The following MTUS2 variants were observed in gnomAD, a reference collection of about 807,000 sequenced individuals.
MTUS2 encodes microtubule associated scaffold protein 2.
MTUS2 carries 40 observed loss-of-function variants against 114.1 expected under a neutral mutation model. The observed-to-expected ratio is 0.35, with a 90% CI of 0.27 to 0.46. MTUS2 has a LOEUF of 0.46. Ranked by LOEUF, MTUS2 falls within the 20% of genes least tolerant of loss-of-function variation. The probability of loss-of-function intolerance (pLI) is 1.00; values close to 1 mark genes in which losing one functional copy is unlikely to be tolerated. For missense variants in MTUS2, 1,679 were observed against 1,705.4 expected (o/e 0.98, Z 0.27); for synonymous variants, 688 against 672.0 (o/e 1.02, Z -0.37).
Position 29,496,316 on chromosome 13 carries a change from C to A in MTUS2, c.3580-922C>A, listed in dbSNP as rs1882548664. On this transcript the variant is annotated intron_variant, in intron 12 of 15. Coordinates refer to ENST00000612955, the MANE Select transcript of MTUS2 (RefSeq NM_001033602.4). This position sits in a 1 kb window ranked among gnomAD's most constrained non-coding sequence, Gnocchi z 4.3. ...GCGCCAGTCTGGCCACGGGGCAGGT[C>A]TGAGCAGGGAGGAGGAGACTGTGTG... The A allele has an allele frequency of 6.5e-6, 1 of 152,794 alleles. No individual in the cohort carries two copies. The highest frequency in any genetic ancestry group is 6.5e-5 in the Admixed American group (1 of 15,280). 9.5% of individuals were successfully genotyped at this position (152,794 alleles called of 1,614,324 possible). A position where few individuals can be genotyped will look rare whatever the true frequency, so the allele number is the denominator to read the frequency against.
intron 7 of MTUS2, among the ~76,000 whole-genome samples, chr13:29,339,383 A>T (rs9508375): frequency 6.6e-6 from 1 of 152,006 alleles, no homozygotes; most frequent in South Asian, 2.1e-4. Flanking sequence ...GGGTGATGGG[A>T]TCTGCTTGCT....
chr13:29,419,965 G>A (rs1179127764), intron 8 of MTUS2, among the ~76,000 whole-genome samples: 1 of 152,160 alleles, frequency 6.6e-6, no homozygotes, highest in Non-Finnish European at 1.5e-5. Context: ...CTGATATTTT[G>A]CATCTTCCCA....
At chr13:29,262,926 A>T (rs745879446) in intron 5 of MTUS2, among the ~76,000 whole-genome samples, 1 of 152,184 alleles carries the variant, frequency 6.6e-6, no homozygotes, top group African/African-American at 2.4e-5. Flanking sequence ...GCTGGTACTG[A>T]TGGTGTCAGC....
intron 4 of MTUS2, among the ~76,000 whole-genome samples, chr13:29,096,019 A>G (rs1282925704): frequency 6.6e-6 from 1 of 150,850 alleles, no homozygotes; most frequent in Admixed American, 6.6e-5. Flanking sequence ...CCTTTTCTGT[A>G]TTTTTTTCTT....
intron 4 of MTUS2, among the ~76,000 whole-genome samples, chr13:29,049,856 C>G (rs1887809033): frequency 6.6e-6 from 1 of 152,200 alleles, no homozygotes; most frequent in South Asian, 2.1e-4. Context: ...TGTCAAGAGA[C>G]TCTAAAATAC....
chr13:28,832,703 AAAT>A (rs1236213384), intron 1 of MTUS2, among the ~76,000 whole-genome samples: 3 of 148,260 alleles, frequency 2.0e-5, no homozygotes, highest in South Asian at 2.1e-4. Flanking sequence ...ATATAAATAA[AAAT>A]AAGTACACAA....
At chr13:29,175,704 T>G (rs549521793) in intron 5 of MTUS2, among the ~76,000 whole-genome samples, 57 of 152,314 alleles carry the variant, frequency 3.7e-4, no homozygotes, top group African/African-American at 1.3e-3. Flanking sequence ...TTTGGCCTTA[T>G]GTGGATGTGG....
chr13:29,158,032 T>G (rs776598399), intron 5 of MTUS2, among the ~76,000 whole-genome samples: 27 of 152,224 alleles, frequency 1.8e-4, no homozygotes, highest in Non-Finnish European at 3.2e-4. Flanking sequence ...CATCGACTTC[T>G]GGCATGAGTG....
chr13:29,036,562 CTTGTTAATT>C (rs933514443), intron 4 of MTUS2, among the ~76,000 whole-genome samples: 1 of 152,134 alleles, frequency 6.6e-6, no homozygotes, highest in African/African-American at 2.4e-5. Context: ...CCTGAATATC[CTTGTTAATT>C]TTGTCTCGTT....
rs963069089 is a variant in MTUS2 at position 29,504,502 on chromosome 13, G to A, written c.*1296G>A. On this transcript the variant is annotated 3_prime_UTR_variant, in exon 16 of 16. Coordinates refer to ENST00000612955, the MANE Select transcript of MTUS2 (RefSeq NM_001033602.4). ...ACTTCCTGCTGGATGATCAGGCAAC[G>A]CTGCTGCTGACCGTGCTCCCATCTT... 1 of 232,108 alleles carries A rather than the reference G, an allele frequency of 4.3e-6. No individual in the cohort carries two copies. Among genetic ancestry groups the A allele is most frequent in the Non-Finnish European group, 8.5e-6 (1 of 117,666 alleles). 14.4% of individuals were successfully genotyped at this position (232,108 alleles called of 1,614,324 possible). A position where few individuals can be genotyped will look rare whatever the true frequency, so the allele number is the denominator to read the frequency against.
intron 8 of MTUS2, among the ~76,000 whole-genome samples, chr13:29,400,582 A>G (rs1252842998): frequency 6.6e-6 from 1 of 152,216 alleles, no homozygotes; most frequent in Non-Finnish European, 1.5e-5. Flanking sequence ...GAAATCTGTC[A>G]CATCTGGCCT....
chr13:29,429,606 G>A (rs1876837004), intron 8 of MTUS2, among the ~76,000 whole-genome samples: 1 of 152,220 alleles, frequency 6.6e-6, no homozygotes, highest in African/African-American at 2.4e-5. Flanking sequence ...TTGTGAGCTA[G>A]CAGAGGGATT....
chr13:29,089,956 A>G (rs1300092168), intron 4 of MTUS2, among the ~76,000 whole-genome samples: 1 of 152,230 alleles, frequency 6.6e-6, no homozygotes, highest in Non-Finnish European at 1.5e-5. Flanking sequence ...AAACTGGTTA[A>G]GAAACATTGC....
chr13:29,201,117 TCTC>T (rs568281148), intron 5 of MTUS2, among the ~76,000 whole-genome samples: 268 of 152,246 alleles, frequency 1.8e-3, no homozygotes, highest in Admixed American at 3.1e-3. Flanking sequence ...GGTATCAAAG[TCTC>T]CCACTATTAT....
intron 4 of MTUS2, among the ~76,000 whole-genome samples, chr13:29,081,048 A>G (rs530852270): frequency 6.6e-5 from 10 of 152,254 alleles, no homozygotes; most frequent in African/African-American, 2.4e-4. Context: ...TCCTTTGGCA[A>G]TGCTTTATTA....
chr13:29,414,965 G>A (rs1375517410), intron 8 of MTUS2, among the ~76,000 whole-genome samples: 1 of 147,510 alleles, frequency 6.8e-6, no homozygotes, highest in Non-Finnish European at 1.5e-5. Flanking sequence ...AAATGTGTCC[G>A]ATATGTTTCG....
intron 2 of MTUS2, among the ~76,000 whole-genome samples, chr13:28,885,918 T>C (rs1878565156): frequency 6.6e-6 from 1 of 152,022 alleles, no homozygotes; most frequent in Non-Finnish European, 1.5e-5. Context: ...TGTAGTGCAG[T>C]GGGTTGATAT....
At chr13:28,997,109 A>G (rs1390911501) in intron 2 of MTUS2, among the ~76,000 whole-genome samples, 1 of 152,112 alleles carries the variant, frequency 6.6e-6, no homozygotes, top group Non-Finnish European at 1.5e-5. Context: ...TGTTCTCATT[A>G]GTTTCAAAGA....
chr13:29,328,497 T>C (rs141025920), intron 7 of MTUS2, among the ~76,000 whole-genome samples: 2,444 of 152,276 alleles, frequency 0.016, 29 homozygotes, highest in Non-Finnish European at 0.021. Context: ...TAGTTGACGG[T>C]TGGGATAGTT....
Sources: gnomAD v4.1 joint callset for allele counts (sites outside exome capture counted in the v4.1 genomes callset) on GRCh38, gnomAD v4.1.1 for gene constraint, Gnocchi (gnomAD v3.1) non-coding constraint, MANE v1.5 for transcripts, NCBI Gene and HGNC (gene_info 2026-07-23, HGNC 2026-07-21) for gene names.